ZFHX3: variants seen among roughly 807,000 people sequenced by gnomAD.
ZFHX3 encodes zinc finger homeobox 3.
A neutral mutation model predicts 279.1 loss-of-function variants in ZFHX3; 42 were observed. The observed-to-expected ratio is 0.15, with a 90% CI of 0.12 to 0.19. ZFHX3 has a LOEUF of 0.19. Ranked by LOEUF, ZFHX3 falls within the 10% of genes least tolerant of loss-of-function variation. The pLI is 1.00. For synonymous variants in ZFHX3, 2,293 were observed against 1,957.8 expected (o/e 1.17, Z -4.52); for missense variants, 4,981 against 4,754.0 (o/e 1.05, Z -1.40).
intron 7 of ZFHX3, among the ~76,000 whole-genome samples, chr16:73,095,604 G>A (rs936997769): frequency 5.3e-5 from 8 of 152,222 alleles, no homozygotes; most frequent in African/African-American, 1.2e-4. Flanking sequence ...CAGACCTTAC[G>A]TGAAAGTACG....
intron 1 of ZFHX3, among the ~76,000 whole-genome samples, chr16:73,869,882 T>C (rs1053957342): frequency 5.3e-5 from 8 of 152,240 alleles, no homozygotes; most frequent in Admixed American, 3.9e-4. Flanking sequence ...GTCTCTTATA[T>C]GTGGAATCTT....
intron 3 of ZFHX3, among the ~76,000 whole-genome samples, chr16:73,412,486 T>C (rs1381870948): frequency 7.0e-6 from 1 of 142,092 alleles, no homozygotes; most frequent in Non-Finnish European, 1.5e-5. Context: ...TCCCTCATTC[T>C]TGCTTACAGT....
At chr16:72,880,146 G>A (rs542973221) in intron 4 of ZFHX3, among the ~76,000 whole-genome samples, 37 of 152,226 alleles carry the variant, frequency 2.4e-4, no homozygotes, top group African/African-American at 8.9e-4. Flanking sequence ...TGTCCGAGGC[G>A]ACTTCCAGGA....
chr16:73,297,461 T>A (rs1031080566), intron 4 of ZFHX3, among the ~76,000 whole-genome samples: 1 of 152,060 alleles, frequency 6.6e-6, no homozygotes, highest in African/African-American at 2.4e-5. Context: ...AACATGTATA[T>A]TTACAACAAA....
chr16:73,241,527 A>T (rs2013120700), intron 5 of ZFHX3, among the ~76,000 whole-genome samples: 1 of 152,142 alleles, frequency 6.6e-6, no homozygotes, highest in Non-Finnish European at 1.5e-5. Flanking sequence ...GCGGTGGCTC[A>T]TGCCTGTAAT....
chr16:73,272,219 G>T (rs1419304826), intron 4 of ZFHX3, among the ~76,000 whole-genome samples: 1 of 152,084 alleles, frequency 6.6e-6, no homozygotes, highest in East Asian at 1.9e-4. Context: ...TTTCACTGAC[G>T]GCATGTGATA....
chr16:73,425,699 G>A (rs17313864), intron 3 of ZFHX3, among the ~76,000 whole-genome samples: 2,301 of 152,212 alleles, frequency 0.015, 25 homozygotes, highest in South Asian at 0.035. Context: ...TCTAGGGGAG[G>A]AGGCATAATC....
At chr16:73,837,557 A>T (rs942102430) in intron 1 of ZFHX3, among the ~76,000 whole-genome samples, 4 of 152,188 alleles carry the variant, frequency 2.6e-5, no homozygotes, top group Non-Finnish European at 2.9e-5. Context: ...CACTAACAGC[A>T]CAAGAATTCT....
At chr16:73,852,270 G>T (rs1014226211) in intron 1 of ZFHX3, among the ~76,000 whole-genome samples, 2 of 152,082 alleles carry the variant, frequency 1.3e-5, no homozygotes, top group Non-Finnish European at 2.9e-5. Context: ...AACACAACAC[G>T]TCTTCATCAG....
chr16:73,491,276 C>T (rs1218440767), intron 2 of ZFHX3, among the ~76,000 whole-genome samples: 1 of 152,124 alleles, frequency 6.6e-6, no homozygotes, highest in African/African-American at 2.4e-5. Flanking sequence ...TGGAAAAGGA[C>T]CTGGCTTTTA....
chr16:73,200,513 T>C (rs1968247381), intron 5 of ZFHX3, among the ~76,000 whole-genome samples: 1 of 152,186 alleles, frequency 6.6e-6, no homozygotes, highest in Non-Finnish European at 1.5e-5. Context: ...AAAATGATAT[T>C]AAATAAAAGA....
chr16:73,756,802 T>C (rs567721157), intron 1 of ZFHX3, among the ~76,000 whole-genome samples: 21 of 149,862 alleles, frequency 1.4e-4, no homozygotes, highest in Non-Finnish European at 2.8e-4. Flanking sequence ...GCCCCTATTG[T>C]GTGTATTATT....
rs372324830 is a variant in ZFHX3 at position 73,159,071 on chromosome 16, T to C, written c.-1103-15240A>G. On this transcript the variant is annotated intron_variant, in intron 5 of 17. Transcript: ENST00000641206. ...AAGCAATTGCAACAAAAGCAAAAAT[T>C]GACAAATGAGATCTAATTGAACTAA... Among the ~76,000 whole-genome samples the C allele has an allele frequency of 2.6e-5, 4 of 152,216 alleles. No homozygotes were observed. In the East Asian group the frequency reaches 5.8e-4, roughly 22 times the overall value.
chr16:73,600,785 T>C (rs558152660), intron 2 of ZFHX3, among the ~76,000 whole-genome samples: 385 of 152,240 alleles, frequency 2.5e-3, no homozygotes, highest in African/African-American at 9.0e-3. Flanking sequence ...TTTGTCAACA[T>C]AGGCTTAGCC....
At chr16:73,127,433 C>G in intron 7 of ZFHX3, 1 of 1,305,450 alleles carries the variant, frequency 7.7e-7, no homozygotes, top group South Asian at 1.2e-5. Context: ...TGGAGCATCT[C>G]TGTTCCGGAA....
chr16:73,706,582 C>G (rs1176953007), intron 1 of ZFHX3, among the ~76,000 whole-genome samples: 2 of 152,158 alleles, frequency 1.3e-5, no homozygotes, highest in East Asian at 3.8e-4. Flanking sequence ...CAAGGCTCTC[C>G]GTGGTGTAGC....
chr16:73,417,396 C>CTTTTT (rs57283343), intron 3 of ZFHX3, among the ~76,000 whole-genome samples: 26 of 118,748 alleles, frequency 2.2e-4, no homozygotes, highest in African/African-American at 5.0e-4. Context: ...TTTTTCTTTT[C>CTTTTT]TTTTTTTTTT....
In ZFHX3 at chr16:73,655,559, AC is replaced by A. The variant is rs1270621968; in HGVS notation, c.-1547+24620del. On this transcript the variant is annotated intron_variant, in intron 2 of 17. Transcript: ENST00000641206. ...AAAGGGTTGAGTAAAAATAAATCTA[AC>A]AAAAAATTTATTCCAAAATTGAATA... Among the ~76,000 whole-genome samples, 4 of 152,340 alleles carry A rather than the reference AC, an allele frequency of 2.6e-5. No homozygotes were observed. In the East Asian group the frequency reaches 7.7e-4, roughly 29 times the overall value.
At chr16:73,219,168 T>A (rs2012319163) in intron 5 of ZFHX3, among the ~76,000 whole-genome samples, 1 of 152,256 alleles carries the variant, frequency 6.6e-6, no homozygotes, top group African/African-American at 2.4e-5. Context: ...TATGGATAGA[T>A]CACATTTTGT....
Sources: allele counts gnomAD v4.1 joint callset (sites outside exome capture counted in the v4.1 genomes callset), GRCh38; gene constraint gnomAD v4.1.1; transcripts MANE v1.5; gene names NCBI Gene and HGNC (gene_info 2026-07-23, HGNC 2026-07-21).